Variants in OTOG observed in about 807,000 individuals in gnomAD.
OTOG encodes the protein otogelin.
In OTOG, 296 loss-of-function variants were observed where a neutral mutation model predicts 313.8. The ratio of observed to expected loss-of-function variants is 0.94; its 90% CI spans 0.86 to 1.04. The LOEUF (loss-of-function observed/expected upper bound fraction) is 1.04, where lower values mean the gene tolerates loss of function less well. Ranked by LOEUF, OTOG falls within the 50% of genes least tolerant of loss-of-function variation. OTOG has a pLI of 0.00. For synonymous variants in OTOG, 1,533 were observed against 1,554.9 expected (o/e 0.99, Z 0.33); for missense variants, 3,948 against 3,840.1 (o/e 1.03, Z -0.74).
intron 39 of OTOG, among the ~76,000 whole-genome samples, chr11:17,615,644 CA>C (rs1386027356): frequency 6.6e-6 from 1 of 152,074 alleles, no homozygotes; most frequent in South Asian, 2.1e-4. Flanking sequence ...ATTTAAAAAC[CA>C]ACTGGCCAGG....
chr11:17,597,797 A>AT (rs1853150987), intron 30 of OTOG, among the ~76,000 whole-genome samples: 1 of 152,232 alleles, frequency 6.6e-6, no homozygotes, highest in African/African-American at 2.4e-5. Flanking sequence ...TGCGATGGCC[A>AT]TTACACAGCC....
At chr11:17,564,799 GAC>G (rs1852264520) in intron 15 of OTOG, among the ~76,000 whole-genome samples, 1 of 152,162 alleles carries the variant, frequency 6.6e-6, no homozygotes. Flanking sequence ...AATATGATGA[GAC>G]AGGCCTACAG....
intron 39 of OTOG, among the ~76,000 whole-genome samples, chr11:17,614,773 T>C (rs1448854324): frequency 6.6e-6 from 1 of 152,228 alleles, no homozygotes; most frequent in African/African-American, 2.4e-5. Context: ...TGTACCATAG[T>C]TTATTTATCC....
chr11:17,569,130 C>T, intron 15 of OTOG, 26 bp from the exon 16 acceptor site: 1 of 1,550,286 alleles, frequency 6.5e-7, no homozygotes, highest in South Asian at 1.2e-5. Context: ...ACCAACACTG[C>T]CCCATTGACC....
At chr11:17,586,609 C>CT (rs1852800415) in intron 24 of OTOG, 28 bp downstream of exon 24, 8 of 1,290,940 alleles carry the variant, frequency 6.2e-6, no homozygotes, top group Middle Eastern at 1.9e-4. Flanking sequence ...GCAGGCTTTG[C>CT]TTTTTTGCTG....
chr11:17,641,936 C>T lies in OTOG; in HGVS notation c.8280C>T (p.Thr2760=). 1 of 1,550,340 alleles carries T rather than the reference C, an allele frequency of 6.5e-7. No homozygotes were observed. Among genetic ancestry groups the T allele is most frequent in the Non-Finnish European group, 8.7e-7 (1 of 1,146,858 alleles). The change falls in exon 52 of 56, where the codon ACC becomes ACT. Residue 2760 remains threonine, a synonymous_variant. Transcript: ENST00000399397. ...VSCLFTFPNG[T]TSLFLPGASW... is the part of the protein sequence containing the mutation. Reference sequence around the variant, plus strand: ...GTCTCTTCACCTTCCCCAATGGCACCACCTCCCTGTTCTTGGTAAGCAGCC... The same window carrying T: ...GTCTCTTCACCTTCCCCAATGGCACTACCTCCCTGTTCTTGGTAAGCAGCC...
intron 19 of OTOG, 116 bp downstream of exon 19, chr11:17,573,406 C>T: frequency 1.8e-6 from 2 of 1,110,454 alleles, no homozygotes; most frequent in Admixed American, 2.8e-5. Context: ...AGCCTGACTG[C>T]ACCCAGAGCC....
intron 15 of OTOG, among the ~76,000 whole-genome samples, chr11:17,568,312 T>C (rs1852332782): frequency 6.6e-6 from 1 of 152,220 alleles, no homozygotes; most frequent in African/African-American, 2.4e-5. Context: ...AAGTTAGTTG[T>C]TGGTTGTAAT....
intron 15 of OTOG, among the ~76,000 whole-genome samples, chr11:17,565,046 G>A (rs1321494659): frequency 6.6e-6 from 1 of 152,122 alleles, no homozygotes; most frequent in East Asian, 1.9e-4. Flanking sequence ...AGTTTCCCTT[G>A]ACATCTTTGT....
intron 39 of OTOG, among the ~76,000 whole-genome samples, chr11:17,623,236 T>A (rs1379207429): frequency 6.6e-6 from 1 of 152,142 alleles, no homozygotes; most frequent in Non-Finnish European, 1.5e-5. Context: ...TACAGATTAT[T>A]TTGTCACCCA....
intron 28 of OTOG, among the ~76,000 whole-genome samples, chr11:17,595,212 G>T (rs1853062758): frequency 6.6e-6 from 1 of 152,100 alleles, no homozygotes; most frequent in East Asian, 1.9e-4. Flanking sequence ...CCTCTGAAAA[G>T]TGCGCCCTAA....
chr11:17,552,149 G>A (rs1851950827), intron 4 of OTOG, 74 bp downstream of exon 4: 6 of 1,422,176 alleles, frequency 4.2e-6, no homozygotes, highest in Non-Finnish European at 5.8e-6. Flanking sequence ...AGGGCAGAGG[G>A]CAGGTGGGGC....
intron 28 of OTOG, among the ~76,000 whole-genome samples, chr11:17,594,838 C>T (rs149229288): frequency 3.8e-4 from 58 of 152,216 alleles, no homozygotes; most frequent in Admixed American, 1.4e-3. Context: ...GGGACTGGGC[C>T]AAGAGAGGGC....
chr11:17,572,764 C>T (rs980623812), intron 18 of OTOG, among the ~76,000 whole-genome samples: 6 of 152,232 alleles, frequency 3.9e-5, no homozygotes, highest in African/African-American at 1.4e-4. Context: ...CTCATACACC[C>T]ATGCTGCTTC....
chr11:17,549,162 C>G (rs1851877985), intron 3 of OTOG, among the ~76,000 whole-genome samples: 1 of 152,158 alleles, frequency 6.6e-6, no homozygotes, highest in Non-Finnish European at 1.5e-5. Flanking sequence ...CTAATCCTGG[C>G]CCGCATTTGT....
At position 17,555,809 on chromosome 11, in the gene OTOG, C is replaced by T. The variant is rs1240797585; in HGVS notation, c.571C>T (p.Pro191Ser). Residue 191 changes from proline (P) to serine (S), a missense_variant, in exon 7 of 56, where the codon CCC becomes TCC. Pro to Ser is a moderately conservative substitution (Grantham distance 74). Coordinates refer to ENST00000399397, the MANE Select transcript of OTOG (RefSeq NM_001292063.2). Reference protein sequence around the residue: ...VHNDPQCGSSPYTCSRAVSLF... With the variant: ...VHNDPQCGSSSYTCSRAVSLF... ...CAATGACCCGCAGTGTGGCTCTTCA[C>T]CCTACACCTGCTCCAGGGCTGTCAG... 3 of 1,550,554 alleles carry T rather than the reference C, an allele frequency of 1.9e-6. No homozygotes were observed. Among genetic ancestry groups the T allele is most frequent in the East Asian group, 2.4e-5 (1 of 40,932 alleles).
At chr11:17,613,255 CTTT>C (rs1853631953) in intron 38 of OTOG, among the ~76,000 whole-genome samples, 1 of 125,524 alleles carries the variant, frequency 8.0e-6, no homozygotes, top group Non-Finnish European at 1.6e-5. Context: ...TTCTTTCTTT[CTTT>C]CTTTCTTTCT....
chr11:17,573,238 G>C lies in OTOG; in HGVS notation c.2241G>C (p.Leu747=), dbSNP rs1488733450. The part of the protein sequence containing the change: ...LCATLAHYAH[L]CRRHGLPVDF... ...CCACACTGGCCCACTACGCCCACCTGTGCCGGCGCCATGGGCTCCCCGTTG... is the reference window on the plus strand; with the variant it reads ...CCACACTGGCCCACTACGCCCACCTCTGCCGGCGCCATGGGCTCCCCGTTG... The change falls in exon 19 of 56, where the codon CTG becomes CTC. Residue 747 remains leucine (L), a synonymous_variant. Coordinates refer to ENST00000399397, the MANE Select transcript of OTOG (RefSeq NM_001292063.2). 3 of 1,533,920 alleles carry C rather than the reference G, an allele frequency of 2.0e-6. No homozygotes were observed. Among genetic ancestry groups the C allele is most frequent in the Non-Finnish European group, 2.6e-6 (3 of 1,144,832 alleles).
At chr11:17,635,025 C>T (rs989593880) in intron 45 of OTOG, 55 bp from the exon 46 acceptor site, 12 of 1,533,182 alleles carry the variant, frequency 7.8e-6, no homozygotes, top group Non-Finnish European at 1.1e-5. Flanking sequence ...GGCAGGGGCC[C>T]AGGGGTGGCC....
Sources: gnomAD v4.1 joint callset for allele counts (sites outside exome capture counted in the v4.1 genomes callset) on GRCh38, gnomAD v4.1.1 for gene constraint, MANE v1.5 for transcripts, NCBI Gene and HGNC (gene_info 2026-07-23, HGNC 2026-07-21) for gene names.